ITGBL1: variants seen among roughly 807,000 people sequenced by gnomAD.
ITGBL1 encodes integrin beta-like protein 1.
Under a neutral mutation model 68.5 loss-of-function variants are expected in ITGBL1, and 51 were observed. That is an observed-to-expected ratio of 0.74 (90% CI 0.59 to 0.94). The LOEUF (loss-of-function observed/expected upper bound fraction) is 0.94, where lower values mean the gene tolerates loss of function less well. Among genes scored for constraint, ITGBL1 ranks in the 40% least tolerant of loss-of-function variants. The pLI is 0.00. For synonymous variants in ITGBL1, 209 were observed against 227.3 expected, an observed-to-expected ratio of 0.92 and a Z score of 0.72; for missense variants, 649 against 647.4, an observed-to-expected ratio of 1.00 and a Z score of -0.03.
At chr13:101,514,171 T>C (rs1176683091) in intron 2 of ITGBL1, among the ~76,000 whole-genome samples, 1 of 152,094 alleles carries the variant, frequency 6.6e-6, no homozygotes, top group Non-Finnish European at 1.5e-5. Context: ...AACGTCCCCA[T>C]ATTCTTGCAT....
chr13:101,481,185 TGA>T (rs5806223), intron 2 of ITGBL1, among the ~76,000 whole-genome samples: 28,588 of 147,438 alleles, frequency 0.19, 3,319 homozygotes, highest in East Asian at 0.43. Flanking sequence ...TATATACATA[TGA>T]GAGAGAGAGA....
At chr13:101,542,476 C>G (rs976839385) in intron 2 of ITGBL1, among the ~76,000 whole-genome samples, 1 of 152,178 alleles carries the variant, frequency 6.6e-6, no homozygotes, top group African/African-American at 2.4e-5. Flanking sequence ...TTACTTCCAA[C>G]TATATGGTCA....
chr13:101,496,263 A>G (rs2048856734), intron 2 of ITGBL1, among the ~76,000 whole-genome samples: 1 of 152,208 alleles, frequency 6.6e-6, no homozygotes. Flanking sequence ...GCAGGGACAC[A>G]GCCCTGGGCA....
intron 5 of ITGBL1, among the ~76,000 whole-genome samples, chr13:101,582,057 TTATC>T: frequency 6.6e-6 from 1 of 152,362 alleles, no homozygotes; most frequent in East Asian, 1.9e-4. Context: ...TTTTTCATCT[TTATC>T]TGTCATTATT....
At chr13:101,473,831 C>A (rs2139647635) in intron 2 of ITGBL1, among the ~76,000 whole-genome samples, 1 of 152,312 alleles carries the variant, frequency 6.6e-6, no homozygotes, top group African/African-American at 2.4e-5. Flanking sequence ...GAGGCACTAG[C>A]TCCTTGTGCC....
intron 2 of ITGBL1, among the ~76,000 whole-genome samples, chr13:101,536,507 A>G (rs2049579449): frequency 6.6e-6 from 1 of 152,016 alleles, no homozygotes; most frequent in Non-Finnish European, 1.5e-5. Flanking sequence ...GTATTGTAGA[A>G]AAGAGAAGAC....
intron 6 of ITGBL1, among the ~76,000 whole-genome samples, chr13:101,597,712 C>A (rs1188269710): frequency 6.6e-6 from 1 of 152,060 alleles, no homozygotes; most frequent in Non-Finnish European, 1.5e-5. Flanking sequence ...GCCACCATGC[C>A]TGGCTAATTT....
At chr13:101,513,729 A>G (rs1379687580) in intron 2 of ITGBL1, among the ~76,000 whole-genome samples, 2 of 152,020 alleles carry the variant, frequency 1.3e-5, no homozygotes, top group East Asian at 3.9e-4. Context: ...AGAACCATTG[A>G]CCCCATGAAA....
At chr13:101,455,460 A>G (rs1275489323) in intron 2 of ITGBL1, among the ~76,000 whole-genome samples, 1 of 151,974 alleles carries the variant, frequency 6.6e-6, no homozygotes, top group Non-Finnish European at 1.5e-5. Context: ...TGAGGTCAGG[A>G]GTTCAAGACC....
chr13:101,623,591 A>T (rs572693784), intron 7 of ITGBL1, among the ~76,000 whole-genome samples: 4 of 152,324 alleles, frequency 2.6e-5, no homozygotes, highest in African/African-American at 9.6e-5. Flanking sequence ...CTATAAAATT[A>T]TATAACTCAA....
intron 7 of ITGBL1, among the ~76,000 whole-genome samples, chr13:101,635,454 A>G (rs2032140266): frequency 6.6e-6 from 1 of 152,128 alleles, no homozygotes; most frequent in Non-Finnish European, 1.5e-5. Context: ...CATGCTAGTC[A>G]TAGATATTAT....
At chr13:101,681,843 T>C (rs2033651526) in intron 7 of ITGBL1, among the ~76,000 whole-genome samples, 1 of 151,932 alleles carries the variant, frequency 6.6e-6, no homozygotes, top group Admixed American at 6.6e-5. Context: ...TGTGTGTGTG[T>C]GTTGGGAGAG....
chr13:101,521,533 G>C (rs1023968480), intron 2 of ITGBL1, among the ~76,000 whole-genome samples: 1 of 152,056 alleles, frequency 6.6e-6, no homozygotes, highest in Non-Finnish European at 1.5e-5. Context: ...CCTGGATCTG[G>C]ACCCAAGGGA....
chr13:101,705,763 C>T (rs554601059), intron 8 of ITGBL1, among the ~76,000 whole-genome samples: 38 of 152,092 alleles, frequency 2.5e-4, no homozygotes, highest in Non-Finnish European at 4.1e-4. Flanking sequence ...CAGGAGAGAA[C>T]GGTGTCAACA....
chr13:101,541,665 C>T (rs2049705680), intron 2 of ITGBL1, among the ~76,000 whole-genome samples: 1 of 152,114 alleles, frequency 6.6e-6, no homozygotes, highest in South Asian at 2.1e-4. Context: ...TAGAATTCGG[C>T]TGTGAATCCA....
chr13:101,638,627 C>T lies in ITGBL1; in HGVS notation c.1015+40328C>T, dbSNP rs147031619. 5.7e-3 allele frequency among the ~76,000 whole-genome samples: 869 copies of T among 152,042 alleles called. 17 individuals carry two copies. The highest frequency in any genetic ancestry group is 0.047 in the East Asian group (241 of 5,148). ...GAGACAAGAGAGAATGAGAATCAAG[C>T]GAAAGGGATTTCCCTTTATAAAACC... On this transcript the variant is annotated intron_variant, in intron 7 of 10. Coordinates refer to ENST00000376180, the MANE Select transcript of ITGBL1 (RefSeq NM_004791.3).
Position 101,583,367 on chromosome 13 carries a change from T to C in ITGBL1, c.868+11T>C, listed in dbSNP as rs757254884. On this transcript the variant is annotated intron_variant, in intron 6 of 10. Transcript: ENST00000376180. ...ATGACTTCTGTTCAGGTAAGGGCTC[T>C]TCCAATTCCTGTTTTTCTGGAGGGG... 7 of 1,460,002 alleles carry C rather than the reference T, an allele frequency of 4.8e-6. No homozygotes were observed. Among genetic ancestry groups the C allele is most frequent in the Admixed American group, 5.0e-5 (2 of 39,830 alleles). The allele number at this position is 1,460,002 out of a possible 1,614,324, so 90.4% of individuals were successfully genotyped here. A position where few individuals can be genotyped will look rare whatever the true frequency, so the allele number is the denominator to read the frequency against.
intron 6 of ITGBL1, among the ~76,000 whole-genome samples, chr13:101,593,704 A>C (rs1047178774): frequency 4.6e-5 from 7 of 152,234 alleles, no homozygotes; most frequent in Admixed American, 3.3e-4. Flanking sequence ...GAATCTAAAA[A>C]TAAAATTGAA....
chr13:101,535,036 C>A (rs1222564074), intron 2 of ITGBL1, among the ~76,000 whole-genome samples: 1 of 152,072 alleles, frequency 6.6e-6, no homozygotes, highest in Non-Finnish European at 1.5e-5. Flanking sequence ...CTCTTGTCTT[C>A]ACAGTATCTT....
Sources: allele counts gnomAD v4.1 joint callset (sites outside exome capture counted in the v4.1 genomes callset), GRCh38; gene constraint gnomAD v4.1.1; transcripts MANE v1.5; gene names NCBI Gene and HGNC (gene_info 2026-07-23, HGNC 2026-07-21).